The following ARHGAP24 variants were observed in gnomAD, a reference collection of about 807,000 sequenced individuals.
ARHGAP24 encodes Rho GTPase activating protein 24, also known as rho GTPase-activating protein 24.
In ARHGAP24, 50 loss-of-function variants were observed where a neutral mutation model predicts 76.4. The observed-to-expected ratio is 0.65, with a 90% CI of 0.52 to 0.83. The LOEUF (loss-of-function observed/expected upper bound fraction) is 0.83. Among genes scored for constraint, ARHGAP24 ranks in the 40% least tolerant of loss-of-function variants. The pLI is 0.00. For missense variants in ARHGAP24, 930 were observed against 914.2 expected (o/e 1.02, Z -0.22); for synonymous variants, 345 against 323.3 (o/e 1.07, Z -0.72).
At chr4:85,887,672 C>T (rs955390037) in intron 3 of ARHGAP24, among the ~76,000 whole-genome samples, 4 of 152,156 alleles carry the variant, frequency 2.6e-5, no homozygotes, top group African/African-American at 9.7e-5. Context: ...ATGGAAGTTT[C>T]TCCTTTTACC....
At chr4:85,915,066 A>T (rs1560714821) in intron 3 of ARHGAP24, among the ~76,000 whole-genome samples, 1 of 152,230 alleles carries the variant, frequency 6.6e-6, no homozygotes, top group Non-Finnish European at 1.5e-5. Context: ...CTATCAGAAG[A>T]ATGTAATTAC....
At chr4:85,541,774 A>AT (rs1725713610) in intron 1 of ARHGAP24, among the ~76,000 whole-genome samples, 1 of 152,106 alleles carries the variant, frequency 6.6e-6, no homozygotes, top group Non-Finnish European at 1.5e-5. Flanking sequence ...ATAAAATGCC[A>AT]TAAAAAAACA....
intron 3 of ARHGAP24, among the ~76,000 whole-genome samples, chr4:85,877,392 A>G (rs1732996913): frequency 6.6e-6 from 1 of 152,190 alleles, no homozygotes; most frequent in Admixed American, 6.5e-5. Flanking sequence ...TGGGAGGCCC[A>G]GGCAAGTGGA....
chr4:85,648,004 T>G (rs893217141), intron 2 of ARHGAP24, among the ~76,000 whole-genome samples: 1 of 152,152 alleles, frequency 6.6e-6, no homozygotes, highest in African/African-American at 2.4e-5. Context: ...TGGTTGCCAT[T>G]GTTTGAAAAA....
chr4:85,557,697 C>T (rs1256724046), intron 1 of ARHGAP24, among the ~76,000 whole-genome samples: 2 of 152,210 alleles, frequency 1.3e-5, no homozygotes, highest in South Asian at 2.1e-4. Context: ...GCAGTGCACA[C>T]TGGCTGCTGC....
At chr4:85,982,520 A>C (rs913882171) in intron 8 of ARHGAP24, among the ~76,000 whole-genome samples, 1 of 152,124 alleles carries the variant, frequency 6.6e-6, no homozygotes, top group Non-Finnish European at 1.5e-5. Flanking sequence ...AGGATCAATC[A>C]GGCCCCAGGG....
At chr4:85,495,051 C>T (rs1484658106) in intron 1 of ARHGAP24, among the ~76,000 whole-genome samples, 2 of 146,012 alleles carry the variant, frequency 1.4e-5, no homozygotes, top group East Asian at 2.1e-4. Context: ...GCCGAGATCG[C>T]GCCACTGCAC....
At chr4:85,627,908 T>C (rs1721021016) in intron 2 of ARHGAP24, among the ~76,000 whole-genome samples, 1 of 152,090 alleles carries the variant, frequency 6.6e-6, no homozygotes, top group African/African-American at 2.4e-5. Flanking sequence ...GGTGTGCCGT[T>C]TTTTAAGCCC....
At chr4:85,827,426 T>C (rs1208491788) in intron 3 of ARHGAP24, among the ~76,000 whole-genome samples, 1 of 150,356 alleles carries the variant, frequency 6.7e-6, no homozygotes, top group Non-Finnish European at 1.5e-5. Context: ...GAGAGGGATG[T>C]CTGGGCAATT....
intron 2 of ARHGAP24, among the ~76,000 whole-genome samples, chr4:85,681,377 C>G (rs904489453): frequency 6.6e-6 from 1 of 152,142 alleles, no homozygotes; most frequent in African/African-American, 2.4e-5. Context: ...AGAAGCACCA[C>G]GAGCCTAACC....
intron 2 of ARHGAP24, among the ~76,000 whole-genome samples, chr4:85,597,447 G>A (rs1231596704): frequency 6.6e-6 from 1 of 152,010 alleles, no homozygotes; most frequent in Non-Finnish European, 1.5e-5. Context: ...GATGGGGAAG[G>A]AGGGTAGGAA....
At chr4:85,822,717 T>C (rs1030422307) in intron 3 of ARHGAP24, among the ~76,000 whole-genome samples, 1 of 152,234 alleles carries the variant, frequency 6.6e-6, no homozygotes, top group Non-Finnish European at 1.5e-5. Flanking sequence ...AGACTATGAT[T>C]ATACATTCAT....
At chr4:85,828,971 A>T (rs1729857133) in intron 3 of ARHGAP24, among the ~76,000 whole-genome samples, 1 of 152,174 alleles carries the variant, frequency 6.6e-6, no homozygotes, top group African/African-American at 2.4e-5. Flanking sequence ...GAAAAAGAAG[A>T]TAATACATTG....
chr4:85,494,877 T>C (rs1188699631), intron 1 of ARHGAP24, among the ~76,000 whole-genome samples: 4 of 150,384 alleles, frequency 2.7e-5, no homozygotes, highest in African/African-American at 7.3e-5. Flanking sequence ...GGTGGGGAGA[T>C]CATGAGGTCA....
chr4:85,975,475 C>A (rs992405757), intron 7 of ARHGAP24: 3 of 152,618 alleles, frequency 2.0e-5, no homozygotes, highest in African/African-American at 7.3e-5. Context: ...ATTTTCTTTC[C>A]ATTTCTCTCC....
intron 2 of ARHGAP24, among the ~76,000 whole-genome samples, chr4:85,584,789 C>T (rs12510337): frequency 0.13 from 19,855 of 152,014 alleles, 4,289 homozygotes; most frequent in African/African-American, 0.45. Flanking sequence ...AACTTCATTC[C>T]TACTTTAATA....
chr4:85,483,799 C>CCCTTA (rs1722912503), intron 1 of ARHGAP24, among the ~76,000 whole-genome samples: 1 of 152,050 alleles, frequency 6.6e-6, no homozygotes, highest in African/African-American at 2.4e-5. Flanking sequence ...GTGCAATTCT[C>CCCTTA]AAGTGTGGTA....
At chr4:85,718,219 T>A (rs181348334) in intron 2 of ARHGAP24, among the ~76,000 whole-genome samples, 7 of 152,278 alleles carry the variant, frequency 4.6e-5, no homozygotes, top group Admixed American at 2.0e-4. Context: ...GTAGAGGATG[T>A]TAAAGTATGT....
intron 3 of ARHGAP24, among the ~76,000 whole-genome samples, chr4:85,776,132 C>T (rs560682182): frequency 1.3e-5 from 2 of 152,098 alleles, no homozygotes; most frequent in African/African-American, 2.4e-5. Context: ...AGTCACTACC[C>T]TTCACTGCTA....
Sources: gnomAD v4.1 joint callset for allele counts (sites outside exome capture counted in the v4.1 genomes callset) on GRCh38, gnomAD v4.1.1 for gene constraint, MANE v1.5 for transcripts, NCBI Gene and HGNC (gene_info 2026-07-23, HGNC 2026-07-21) for gene names.